The following ADAMTS6 variants were observed in gnomAD, a reference collection of about 807,000 sequenced individuals.
The protein encoded by ADAMTS6 is A disintegrin and metalloproteinase with thrombospondin motifs 6.
Under a neutral mutation model 144.3 loss-of-function variants are expected in ADAMTS6, and 23 were observed. The ratio of observed to expected loss-of-function variants is 0.16; its 90% CI spans 0.11 to 0.23. The LOEUF (loss-of-function observed/expected upper bound fraction) is 0.23. Ranked by LOEUF, ADAMTS6 falls within the 10% of genes least tolerant of loss-of-function variation. The probability of loss-of-function intolerance (pLI) is 1.00; values close to 1 mark genes in which losing one functional copy is unlikely to be tolerated. For synonymous variants in ADAMTS6, 444 were observed against 457.5 expected (o/e 0.97, Z 0.38); for missense variants, 999 against 1,379.6 (o/e 0.72, Z 4.37).
chr5:65,208,966 C>G (rs1223329822), intron 20 of ADAMTS6, among the ~76,000 whole-genome samples: 1 of 152,184 alleles, frequency 6.6e-6, no homozygotes, highest in African/African-American at 2.4e-5. Context: ...ACTACTGAAT[C>G]AGAAATTGTT....
intron 9 of ADAMTS6, among the ~76,000 whole-genome samples, chr5:65,308,498 T>C (rs1264570329): frequency 6.6e-6 from 1 of 152,014 alleles, no homozygotes; most frequent in African/African-American, 2.4e-5. Flanking sequence ...ATGCAAGTAA[T>C]ACTTTTAAAC....
intron 7 of ADAMTS6, among the ~76,000 whole-genome samples, chr5:65,391,562 A>G (rs1301123026): frequency 2.0e-5 from 3 of 152,036 alleles, no homozygotes; most frequent in Admixed American, 6.6e-5. Context: ...TTACATTGCA[A>G]CACTTTTACC....
At chr5:65,325,856 A>G (rs1310470347) in intron 9 of ADAMTS6, among the ~76,000 whole-genome samples, 1 of 152,182 alleles carries the variant, frequency 6.6e-6, no homozygotes, top group Non-Finnish European at 1.5e-5. Context: ...ATCATGATTA[A>G]TAAATGAGTT....
chr5:65,326,361 T>C (rs1012105124), intron 9 of ADAMTS6, among the ~76,000 whole-genome samples: 2 of 152,216 alleles, frequency 1.3e-5, no homozygotes, highest in Non-Finnish European at 2.9e-5. Flanking sequence ...CATTTAAATA[T>C]AGTATAAACC....
At chr5:65,468,180 C>T (rs1760168985) in intron 3 of ADAMTS6, among the ~76,000 whole-genome samples, 1 of 151,694 alleles carries the variant, frequency 6.6e-6, no homozygotes, top group Non-Finnish European at 1.5e-5. Context: ...TGCAAGAGTC[C>T]CAGCACTAAA....
intron 9 of ADAMTS6, among the ~76,000 whole-genome samples, chr5:65,328,806 C>T (rs577986750): frequency 6.6e-6 from 1 of 151,844 alleles, no homozygotes; most frequent in African/African-American, 2.4e-5. Flanking sequence ...GATAGTTTTT[C>T]CTTTGGCACA....
intron 23 of ADAMTS6, 86 bp from the exon 24 acceptor site, chr5:65,170,859 C>A: frequency 2.1e-6 from 3 of 1,416,700 alleles, no homozygotes; most frequent in Non-Finnish European, 1.9e-6. Context: ...TCAAATACAA[C>A]ACAATATGAA....
In ADAMTS6 at chr5:65,282,531, C is replaced by A. The variant is rs75691181; in HGVS notation, c.1512+8798G>T. On this transcript the variant is annotated intron_variant, in intron 11 of 24. Transcript: ENST00000381055. Reference sequence around the variant, plus strand: ...AAAGACCTGGAAAGGGAAGGGGATTCTCAGCAGAATGTGTCTTCTCCCTAC... The same window carrying A: ...AAAGACCTGGAAAGGGAAGGGGATTATCAGCAGAATGTGTCTTCTCCCTAC... Among the ~76,000 whole-genome samples the A allele has an allele frequency of 1.4e-3, 218 of 152,216 alleles. 2 individuals are homozygous for A. Among genetic ancestry groups the A allele is most frequent in the Non-Finnish European group, 2.3e-3 (159 of 67,996 alleles).
At chr5:65,416,807 A>C (rs1755573715) in intron 7 of ADAMTS6, among the ~76,000 whole-genome samples, 1 of 151,004 alleles carries the variant, frequency 6.6e-6, no homozygotes. Context: ...AATAATATAA[A>C]ATGTGGTATA....
intron 7 of ADAMTS6, among the ~76,000 whole-genome samples, chr5:65,401,789 G>C (rs1366133636): frequency 6.6e-6 from 1 of 152,112 alleles, no homozygotes; most frequent in Non-Finnish European, 1.5e-5. Flanking sequence ...TTTTCAGTTT[G>C]TTCAGATTTT....
At position 65,481,324 on chromosome 5, in the gene ADAMTS6, ATTG is replaced by A. The variant is rs1472611842; in HGVS notation, c.-280+16_-280+18del. 6.6e-6 allele frequency: 1 copy of A among 151,752 alleles called. No homozygotes were observed. Among genetic ancestry groups the A allele is most frequent in the Admixed American group, 6.6e-5 (1 of 15,226 alleles). 9.4% of individuals were successfully genotyped at this position (151,752 alleles called of 1,614,324 possible). On this transcript the variant is annotated intron_variant, in intron 1 of 24. Coordinates refer to ENST00000381055, the MANE Select transcript of ADAMTS6 (RefSeq NM_197941.4). The stretch of plus-strand genomic sequence containing the variant: ...TTAAAAAAAAAAAGCTCCATTGAAT[ATTG>A]TTAAGTCTTCCTTACCGTTTTCATC...
At chr5:65,175,070 T>C (rs1450726871) in intron 22 of ADAMTS6, among the ~76,000 whole-genome samples, 1 of 152,062 alleles carries the variant, frequency 6.6e-6, no homozygotes, top group Admixed American at 6.6e-5. Context: ...CCAGATGAGT[T>C]CCCATACATA....
chr5:65,215,275 C>T (rs1248908779), intron 19 of ADAMTS6, 49 bp downstream of exon 19: 1 of 1,584,004 alleles, frequency 6.3e-7, no homozygotes, highest in African/African-American at 1.4e-5. Context: ...TCCTACCTCA[C>T]AAGGGGGAAT....
intron 12 of ADAMTS6, 92 bp downstream of exon 12, chr5:65,273,248 A>AAT: frequency 9.6e-7 from 1 of 1,041,722 alleles, no homozygotes; most frequent in Non-Finnish European, 1.5e-6. Flanking sequence ...ATTTTAAATG[A>AAT]ATATATAAGA....
At chr5:65,176,344 A>G (rs2112108229) in intron 22 of ADAMTS6, among the ~76,000 whole-genome samples, 1 of 152,358 alleles carries the variant, frequency 6.6e-6, no homozygotes, top group African/African-American at 2.4e-5. Flanking sequence ...GGCCTCCTGA[A>G]TGTAAAACAA....
rs1005161563 is a variant in ADAMTS6 at position 65,359,728 on chromosome 5, T to A, written c.1074-25643A>T. ...TGATTTAAGACAACACAGATGAAGC[T>A]GGAGGGCATTATATTGAGTGAAATA... On this transcript the variant is annotated intron_variant, in intron 7 of 24. Coordinates refer to ENST00000381055, the MANE Select transcript of ADAMTS6 (RefSeq NM_197941.4). Among the ~76,000 whole-genome samples, 19 of 152,010 alleles carry A rather than the reference T, an allele frequency of 1.2e-4. 1 individual carries two copies. Among genetic ancestry groups the A allele is most frequent in the Non-Finnish European group, 1.8e-4 (12 of 68,004 alleles).
chr5:65,426,531 C>A (rs1756550004), intron 7 of ADAMTS6, among the ~76,000 whole-genome samples: 1 of 150,402 alleles, frequency 6.6e-6, no homozygotes, highest in African/African-American at 2.4e-5. Context: ...ATTTTAAAAG[C>A]AAAAAAAATT....
chr5:65,157,393 T>G (rs967413734), intron 24 of ADAMTS6, among the ~76,000 whole-genome samples: 1 of 152,224 alleles, frequency 6.6e-6, no homozygotes, highest in Non-Finnish European at 1.5e-5. Context: ...AGGCTTGATT[T>G]GGTCCAAGAA....
At chr5:65,306,931 A>G (rs958981425) in intron 9 of ADAMTS6, among the ~76,000 whole-genome samples, 1 of 152,194 alleles carries the variant, frequency 6.6e-6, no homozygotes, top group African/African-American at 2.4e-5. Context: ...TGTCAGTTAA[A>G]TGTGTTTGAC....
Sources: allele counts gnomAD v4.1 joint callset (sites outside exome capture counted in the v4.1 genomes callset), GRCh38; gene constraint gnomAD v4.1.1; transcripts MANE v1.5; gene names NCBI Gene and HGNC (gene_info 2026-07-23, HGNC 2026-07-21).